The following KNL1 variants were observed in gnomAD, a reference collection of about 807,000 sequenced individuals.
KNL1 encodes the protein outer kinetochore KNL1 complex subunit KNL1.
KNL1 carries 66 observed loss-of-function variants against 201.3 expected under a neutral mutation model. That is an observed-to-expected ratio of 0.33 (90% CI 0.27 to 0.40). The LOEUF is 0.40. KNL1 is among the 10% of genes least tolerant of loss of function. The probability of loss-of-function intolerance (pLI) is 1.00; values close to 1 mark genes in which losing one functional copy is unlikely to be tolerated. For synonymous variants in KNL1, 895 were observed against 899.2 expected, an observed-to-expected ratio of 1.00 and a Z score of 0.08; for missense variants, 2,815 against 2,690.5, an observed-to-expected ratio of 1.05 and a Z score of -1.02.
rs765175210 is a variant in KNL1 at position 40,625,197 on chromosome 15, G to C, written c.4933G>C (p.Val1645Leu). ...GCCAAAGACAGTTTTTAAAGATAAA[G>C]TAAGGAGATGTTCTTTGGGAATCTT... ...LPPKTVFKDK[V>L]RRCSLGIFLP... The change falls in exon 10 of 26, where the codon GTA (valine) becomes CTA (leucine). Residue 1645 changes from valine (V) to leucine (L), a missense_variant. Coordinates refer to ENST00000399668, the MANE Select transcript of KNL1 (RefSeq NM_144508.5). 4 of 1,613,894 alleles carry C rather than the reference G, an allele frequency of 2.5e-6. No homozygotes were observed. Among genetic ancestry groups the C allele is most frequent in the Non-Finnish European group, 3.4e-6 (4 of 1,179,956 alleles).
Position 40,657,464 on chromosome 15 carries a change from A to G in KNL1, c.6704A>G (p.Asn2235Ser), listed in dbSNP as rs371499297. The G allele has an allele frequency of 3.5e-6, 5 of 1,426,792 alleles. No homozygotes were observed. Among genetic ancestry groups the G allele is most frequent in the Non-Finnish European group, 5.0e-6 (5 of 1,009,678 alleles). 88.4% of individuals were successfully genotyped at this position (1,426,792 alleles called of 1,614,324 possible). The change falls in exon 24 of 26, where the codon AAT (asparagine) becomes AGT (serine). Residue 2235 changes from asparagine to serine, a missense_variant. Physicochemically the swap from Asn to Ser is conservative, Grantham distance 46. Transcript: ENST00000399668. Reference protein sequence around the residue: ...PNYNLMNIDINNNELRLLFSS... With the variant: ...PNYNLMNIDISNNELRLLFSS... ...TATAACCTAATGAACATAGATATTAATAATAATGAGTAAGTGTATTAGTTC... is the reference window on the plus strand; with the variant it reads ...TATAACCTAATGAACATAGATATTAGTAATAATGAGTAAGTGTATTAGTTC...
intron 6 of KNL1, chr15:40,610,797 A>G (rs1197594171): frequency 2.2e-6 from 1 of 455,640 alleles, no homozygotes; most frequent in African/African-American, 2.0e-5. Flanking sequence ...GTTGTTCCCC[A>G]GGCTGCAGTG....
intron 22 of KNL1, among the ~76,000 whole-genome samples, chr15:40,656,018 C>T (rs1893720148): frequency 6.6e-6 from 1 of 152,112 alleles, no homozygotes; most frequent in Non-Finnish European, 1.5e-5. Flanking sequence ...CTGTATCAGG[C>T]ATGTGTATTA....
chr15:40,606,512 G>A, intron 4 of KNL1, 60 bp downstream of exon 4: 1 of 960,388 alleles, frequency 1.0e-6, no homozygotes, highest in Non-Finnish European at 1.7e-6. Context: ...TTTAAGTCAA[G>A]AAGTTTATTA....
intron 1 of KNL1, among the ~76,000 whole-genome samples, chr15:40,602,295 A>C (rs1423446638): frequency 3.0e-5 from 4 of 132,726 alleles, no homozygotes; most frequent in Non-Finnish European, 3.2e-5. Context: ...GGCCTCCCAA[A>C]GTGCTGTATT....
intron 13 of KNL1, among the ~76,000 whole-genome samples, chr15:40,640,357 T>G (rs1893190188): frequency 2.6e-5 from 4 of 152,132 alleles, no homozygotes; most frequent in Non-Finnish European, 5.9e-5. Context: ...CCTCCCAAAG[T>G]GCTGGGATTA....
intron 25 of KNL1, among the ~76,000 whole-genome samples, chr15:40,659,799 C>G (rs1355304554): frequency 6.6e-6 from 1 of 151,514 alleles, no homozygotes. Context: ...TTTTAATGTT[C>G]ATTTTATTTG....
intron 21 of KNL1, among the ~76,000 whole-genome samples, chr15:40,652,501 A>C (rs1243091610): frequency 2.1e-5 from 3 of 143,548 alleles, no homozygotes; most frequent in African/African-American, 7.8e-5. Context: ...GAGGCCCTGC[A>C]GCTCACGCCT....
rs1215147892 is a variant in KNL1, at chr15:40,621,545, T to C, written c.1281T>C (p.Thr427=). 7 of 1,611,108 alleles carry C rather than the reference T, an allele frequency of 4.3e-6. No homozygotes were observed. In the African/African-American group the frequency reaches 9.4e-5, roughly 22 times the overall value. Residue 427 remains threonine (T), a synonymous_variant, in exon 10 of 26, where the codon ACT becomes ACC. Coordinates refer to ENST00000399668, the MANE Select transcript of KNL1 (RefSeq NM_144508.5). ...YSNPSIQGCK[T]VFYSSCNDAM... ...ATCCATCTATTCAAGGTTGTAAGAC[T>C]GTTTTCTATTCTAGTTGTAATGATG...
chr15:40,646,945 T>G, intron 16 of KNL1, 42 bp from the exon 17 acceptor site: 1 of 839,858 alleles, frequency 1.2e-6, no homozygotes, highest in Non-Finnish European at 2.1e-6. Flanking sequence ...TAATATTTTC[T>G]TTAGAGGTTT....
chr15:40,603,050 C>T, intron 2 of KNL1, 84 bp downstream of exon 2: 1 of 857,390 alleles, frequency 1.2e-6, no homozygotes, highest in Non-Finnish European at 1.8e-6. Context: ...TCCATAACTT[C>T]TGAGATCTTT....
At chr15:40,640,278 A>G (rs1345991395) in intron 13 of KNL1, among the ~76,000 whole-genome samples, 2 of 151,330 alleles carry the variant, frequency 1.3e-5, no homozygotes, top group Admixed American at 6.6e-5. Context: ...TGAATTTTTA[A>G]TAGAGACAGG....
At position 40,623,420 on chromosome 15, in the gene KNL1, A is replaced by G; in HGVS notation, c.3156A>G (p.Gly1052=). Residue 1052 remains glycine, a synonymous_variant, in exon 10 of 26, where the codon GGA becomes GGG. Coordinates refer to ENST00000399668, the MANE Select transcript of KNL1 (RefSeq NM_144508.5). ...ACATCAAAGATGTACAAAGTCCTGG[A>G]TTTCTGAATGAACCTCTATCAAGCA... ...CKNIKDVQSP[G]FLNEPLSSKS... The G allele has an allele frequency of 2.5e-6, 4 of 1,613,722 alleles. No individual in the cohort carries two copies. Among genetic ancestry groups the G allele is most frequent in the Non-Finnish European group, 3.4e-6 (4 of 1,179,866 alleles).
At chr15:40,615,925 C>T (rs1458994855) in intron 8 of KNL1, 2 of 151,106 alleles carry the variant, frequency 1.3e-5, no homozygotes, top group African/African-American at 4.9e-5. Context: ...CCACCACGCC[C>T]AGCTAATTTT....
At chr15:40,618,160 A>C (rs146630437) in intron 8 of KNL1, among the ~76,000 whole-genome samples, 1 of 151,870 alleles carries the variant, frequency 6.6e-6, no homozygotes, top group Non-Finnish European at 1.5e-5. Flanking sequence ...CCTTATTTAC[A>C]AAGTCTGATT....
In KNL1 at chr15:40,652,583, C is replaced by T. The variant is rs4410047; in HGVS notation, c.6415+478C>T. On this transcript the variant is annotated intron_variant, in intron 21 of 25. Transcript: ENST00000399668. ...TCAGGAGTTCGAAACCGGCCTGGCC[C>T]ACATGGTGAGACCCCATCTCTACTA... Among the ~76,000 whole-genome samples, 560 of 150,692 alleles carry T rather than the reference C, an allele frequency of 3.7e-3. 32 individuals are homozygous for T. The East Asian group carries it at 0.097, about 26-fold the overall frequency.
rs781338665 is a variant in KNL1 at position 40,620,794 on chromosome 15, T to C, written c.530T>C (p.Ile177Thr). 34 of 1,613,080 alleles carry C rather than the reference T, an allele frequency of 2.1e-5. No individual in the cohort carries two copies. The South Asian group carries it at 3.6e-4, about 17-fold the overall frequency. The change falls in exon 10 of 26, where the codon ATA (isoleucine) becomes ACA (threonine). Residue 177 changes from isoleucine (I) to threonine (T), a missense_variant. Coordinates refer to ENST00000399668, the MANE Select transcript of KNL1 (RefSeq NM_144508.5). ...CCCATAAGTGAAAAGTCCACCAAGA[T>C]AGATACCACATCATTTCTAGCTAAT... ...DNPISEKSTK[I>T]DTTSFLANLK...
intron 8 of KNL1, among the ~76,000 whole-genome samples, chr15:40,618,306 TCTC>T (rs1186024360): frequency 1.3e-5 from 2 of 152,046 alleles, no homozygotes; most frequent in African/African-American, 2.4e-5. Flanking sequence ...TGAATCAACT[TCTC>T]CTTATTACTT....
chr15:40,637,480 T>C (rs566588706), intron 13 of KNL1, among the ~76,000 whole-genome samples: 9 of 152,140 alleles, frequency 5.9e-5, no homozygotes, highest in Non-Finnish European at 1.2e-4. Context: ...AGAAGTGATA[T>C]ACTCCAGGTT....
Sources: gnomAD v4.1 joint callset for allele counts (sites outside exome capture counted in the v4.1 genomes callset) on GRCh38, gnomAD v4.1.1 for gene constraint, MANE v1.5 for transcripts, NCBI Gene and HGNC (gene_info 2026-07-23, HGNC 2026-07-21) for gene names.